Variants in ZC3H6 observed in about 807,000 individuals in gnomAD.
ZC3H6 encodes the protein zinc finger CCCH domain-containing protein 6.
In ZC3H6, 40 loss-of-function variants were observed where a neutral mutation model predicts 107.7. That is an observed-to-expected ratio of 0.37 (90% confidence interval 0.29 to 0.48). The LOEUF is 0.48. Ranked by LOEUF, ZC3H6 falls within the 20% of genes least tolerant of loss-of-function variation. The probability of loss-of-function intolerance (pLI) is 0.98; values close to 1 mark genes in which losing one functional copy is unlikely to be tolerated. For synonymous variants in ZC3H6, 493 were observed against 487.9 expected, an observed-to-expected ratio of 1.01 and a Z score of -0.14; for missense variants, 1,267 against 1,410.4, an observed-to-expected ratio of 0.90 and a Z score of 1.63.
At chr2:112,293,877 G>T (rs1676169888) in intron 1 of ZC3H6, among the ~76,000 whole-genome samples, 1 of 152,192 alleles carries the variant, frequency 6.6e-6, no homozygotes, top group Non-Finnish European at 1.5e-5. Flanking sequence ...CATCCGCAGG[G>T]TAACACTGAA....
In ZC3H6 at chr2:112,280,193, C is replaced by T. The variant is rs539302751; in HGVS notation, c.32+4167C>T. ...TCAGATTAGAGTACACTTTTTGCTCCACACAATATCTGGTTTGTAAATTAG... is the reference window on the plus strand; with the variant it reads ...TCAGATTAGAGTACACTTTTTGCTCTACACAATATCTGGTTTGTAAATTAG... On this transcript the variant is annotated intron_variant, in intron 1 of 11. Transcript: ENST00000409871. 2.8e-4 allele frequency among the ~76,000 whole-genome samples: 43 copies of T among 152,220 alleles called. 2 individuals carry two copies. The South Asian group carries it at 8.7e-3, about 31-fold the overall frequency.
chr2:112,305,175 G>A (rs1676453094), intron 3 of ZC3H6, among the ~76,000 whole-genome samples: 1 of 152,076 alleles, frequency 6.6e-6, no homozygotes, highest in Non-Finnish European at 1.5e-5. Context: ...TTATTCTTTA[G>A]AAATATTCAA....
chr2:112,317,549 T>A (rs1275944492), intron 7 of ZC3H6, among the ~76,000 whole-genome samples: 2 of 152,120 alleles, frequency 1.3e-5, no homozygotes, highest in African/African-American at 4.8e-5. Context: ...TTGGAAAAAA[T>A]TCTGTGAAGG....
intron 2 of ZC3H6, 120 bp downstream of exon 2, chr2:112,300,149 A>T (rs1676341001): frequency 3.1e-6 from 2 of 645,684 alleles, no homozygotes; most frequent in African/African-American, 3.8e-5. Context: ...ATTTTCATTT[A>T]TGTGATTAAA....
At position 112,275,936 on chromosome 2, in the gene ZC3H6, C is replaced by T; in HGVS notation, c.-59C>T. On this transcript the variant is annotated 5_prime_UTR_variant, in exon 1 of 12. Transcript: ENST00000409871. ...GGCGGCGCGGGGGGTCTTCCCCGCGCCCCGCCGCCGCCGGCCTCGCAGACC... is the reference window on the plus strand; with the variant it reads ...GGCGGCGCGGGGGGTCTTCCCCGCGTCCCGCCGCCGCCGGCCTCGCAGACC... The T allele has an allele frequency of 6.7e-7, 1 of 1,483,088 alleles. No individual in the cohort carries two copies. 91.9% of individuals were successfully genotyped at this position (1,483,088 alleles called of 1,614,324 possible).
chr2:112,276,219 C>T (rs1490549863), intron 1 of ZC3H6, among the ~76,000 whole-genome samples, 193 bp downstream of exon 1: 1 of 148,446 alleles, frequency 6.7e-6, no homozygotes, highest in Non-Finnish European at 1.5e-5. Context: ...GCGCCCGCCT[C>T]CCCGAGCCGG....
At chr2:112,279,105 A>G (rs1686479412) in intron 1 of ZC3H6, among the ~76,000 whole-genome samples, 1 of 152,254 alleles carries the variant, frequency 6.6e-6, no homozygotes, top group Admixed American at 6.5e-5. Context: ...AGAATGTAGT[A>G]GAGGACTTTT....
intron 1 of ZC3H6, among the ~76,000 whole-genome samples, chr2:112,298,530 G>T (rs1489884339): frequency 6.6e-6 from 1 of 152,210 alleles, no homozygotes; most frequent in Non-Finnish European, 1.5e-5. Flanking sequence ...CATGAGCATG[G>T]TAATTTCTGT....
intron 11 of ZC3H6, among the ~76,000 whole-genome samples, chr2:112,330,464 G>C (rs912626546): frequency 1.3e-5 from 2 of 152,174 alleles, no homozygotes; most frequent in Non-Finnish European, 2.9e-5. Flanking sequence ...TTCCTCATTT[G>C]CTCAGTTTCC....
intron 4 of ZC3H6, among the ~76,000 whole-genome samples, chr2:112,311,052 A>G (rs1374408050): frequency 1.3e-5 from 2 of 152,208 alleles, no homozygotes; most frequent in Non-Finnish European, 2.9e-5. Flanking sequence ...CACTTGGACA[A>G]TAAGGGTAAT....
intron 1 of ZC3H6, among the ~76,000 whole-genome samples, chr2:112,279,025 G>T (rs370525389): frequency 3.3e-5 from 5 of 152,162 alleles, no homozygotes; most frequent in South Asian, 2.1e-4. Context: ...TTCACACCTG[G>T]AGTTAAAACA....
intron 3 of ZC3H6, among the ~76,000 whole-genome samples, chr2:112,308,009 T>C (rs1676509442): frequency 6.6e-6 from 1 of 152,224 alleles, no homozygotes; most frequent in Non-Finnish European, 1.5e-5. Context: ...AGTATTAATA[T>C]AGTCACAGTT....
chr2:112,331,464 T>G lies in ZC3H6; in HGVS notation c.2546T>G (p.Leu849Arg). 1 of 1,613,912 alleles carries G rather than the reference T, an allele frequency of 6.2e-7. No individual in the cohort carries two copies. Among genetic ancestry groups the G allele is most frequent in the Non-Finnish European group, 8.5e-7 (1 of 1,179,888 alleles). Residue 849 changes from leucine (L) to arginine (R), a missense_variant, in exon 12 of 12, where the codon CTC (leucine) becomes CGC (arginine). By Grantham distance (102) the Leu-to-Arg change is moderately radical. Transcript: ENST00000409871. ...IPLDASPGIMLQDPRSQLRQF... is the reference protein window; with the variant it reads ...IPLDASPGIMRQDPRSQLRQF... ...TTGGATGCCTCACCTGGCATAATGC[T>G]CCAGGATCCAAGGTCACAATTGAGA...
chr2:112,330,202 G>C (rs182386873), intron 11 of ZC3H6, among the ~76,000 whole-genome samples: 1 of 151,880 alleles, frequency 6.6e-6, no homozygotes, highest in African/African-American at 2.4e-5. Flanking sequence ...ACATGTGCCC[G>C]CCACCGTGCA....
At chr2:112,289,967 C>A (rs1272994651) in intron 1 of ZC3H6, among the ~76,000 whole-genome samples, 1 of 152,098 alleles carries the variant, frequency 6.6e-6, no homozygotes. Flanking sequence ...TCTCACACTC[C>A]TGGGCTTGAC....
intron 10 of ZC3H6, 94 bp from the exon 11 acceptor site, chr2:112,324,870 A>G: frequency 1.7e-6 from 2 of 1,177,816 alleles, no homozygotes; most frequent in African/African-American, 3.1e-5. Context: ...TAATTTGATA[A>G]TCCAGTGTGC....
At chr2:112,292,795 G>A (rs994423462) in intron 1 of ZC3H6, among the ~76,000 whole-genome samples, 1 of 152,094 alleles carries the variant, frequency 6.6e-6, no homozygotes, top group African/African-American at 2.4e-5. Context: ...TTTTCAGTCA[G>A]CATTATTAAC....
intron 8 of ZC3H6, among the ~76,000 whole-genome samples, chr2:112,322,447 G>A (rs948286978): frequency 2.4e-4 from 37 of 151,866 alleles, no homozygotes; most frequent in Admixed American, 9.8e-4. Flanking sequence ...GGGTTTCTCC[G>A]TGTTGCTTGG....
At chr2:112,317,041 C>T (rs1676710638) in intron 6 of ZC3H6, among the ~76,000 whole-genome samples, 180 bp from the exon 7 acceptor site, 1 of 152,156 alleles carries the variant, frequency 6.6e-6, no homozygotes, top group African/African-American at 2.4e-5. Flanking sequence ...GCTACATCCA[C>T]TGTCTTGGGC....
Sources: gnomAD v4.1 joint callset for allele counts (sites outside exome capture counted in the v4.1 genomes callset) on GRCh38, gnomAD v4.1.1 for gene constraint, MANE v1.5 for transcripts, NCBI Gene and HGNC (gene_info 2026-07-23, HGNC 2026-07-21) for gene names.